The following ZNF653 variants were observed in gnomAD, a reference collection of about 807,000 sequenced individuals.
ZNF653 encodes the protein zinc finger protein 653.
ZNF653 carries 37 observed loss-of-function variants against 59.9 expected under a neutral mutation model. The ratio of observed to expected loss-of-function variants is 0.62; its 90% CI spans 0.48 to 0.81. The LOEUF (loss-of-function observed/expected upper bound fraction) is 0.81. Among genes scored for constraint, ZNF653 ranks in the 40% least tolerant of loss-of-function variants. The probability of loss-of-function intolerance (pLI) is 0.00; values close to 1 mark genes in which losing one functional copy is unlikely to be tolerated. For synonymous variants in ZNF653, 435 were observed against 371.8 expected (o/e 1.17, Z -1.96); for missense variants, 808 against 881.1 (o/e 0.92, Z 1.05).
chr19:11,494,655 T>C lies in ZNF653; in HGVS notation c.559+1295A>G, dbSNP rs572175346. Among the ~76,000 whole-genome samples the C allele has an allele frequency of 1.5e-3, 234 of 152,268 alleles. 2 individuals carry two copies. The highest frequency in any genetic ancestry group is 6.0e-4 in the Non-Finnish European group (41 of 68,018). ...GTGAGCCGAGATCGCGCCATTGCAC[T>C]CCAGCCTGGGCGACAAGAGCGAGAC... On this transcript the variant is annotated intron_variant, in intron 3 of 8. Coordinates refer to ENST00000293771, the MANE Select transcript of ZNF653 (RefSeq NM_138783.4).
At chr19:11,489,445 C>T (rs948096493) in intron 3 of ZNF653, among the ~76,000 whole-genome samples, 2 of 152,136 alleles carry the variant, frequency 1.3e-5, no homozygotes, top group Non-Finnish European at 2.9e-5. Flanking sequence ...GTGATCTGCC[C>T]GCCCGGGCCT....
Position 11,495,156 on chromosome 19 carries a change from G to A in ZNF653, c.559+794C>T, listed in dbSNP as rs1243875097. Among the ~76,000 whole-genome samples the A allele has an allele frequency of 6.6e-6, 1 of 152,172 alleles. No individual in the cohort carries two copies. Among genetic ancestry groups the A allele is most frequent in the African/African-American group, 2.4e-5 (1 of 41,458 alleles). Reference sequence around the variant, plus strand: ...CTCAGCCCTGACAGGACGCCTGGCAGTGTGCCCTACGCTCCTTCTCCAGCC... The same window carrying A: ...CTCAGCCCTGACAGGACGCCTGGCAATGTGCCCTACGCTCCTTCTCCAGCC... On this transcript the variant is annotated intron_variant, in intron 3 of 8. Coordinates refer to ENST00000293771, the MANE Select transcript of ZNF653 (RefSeq NM_138783.4). The surrounding 1 kb of genome is among the most constrained non-coding windows in gnomAD (Gnocchi z 4.9).
rs756288337 is a variant in ZNF653 at position 11,487,085 on chromosome 19, C to A, written c.1245G>T (p.Val415=). The A allele has an allele frequency of 6.2e-7, 1 of 1,613,940 alleles. No individual in the cohort carries two copies. Among genetic ancestry groups the A allele is most frequent in the Admixed American group, 1.7e-5 (1 of 60,008 alleles). The part of the protein sequence containing the change: ...EPVAPELATT[V]PESAEPEAEA... ...CTGCCTCAGGCTCTGCGCTCTCAGG[C>A]ACCGTTGTTGCCAGCTCCGGGGCTA... is the stretch of plus-strand genomic sequence containing the variant. Residue 415 remains valine (V), a synonymous_variant, in exon 5 of 9, where the codon GTG becomes GTT. Transcript: ENST00000293771. The surrounding 1 kb of genome is among the most constrained non-coding windows in gnomAD (Gnocchi z 5.1).
chr19:11,493,929 G>A (rs1383436207), intron 3 of ZNF653, among the ~76,000 whole-genome samples: 1 of 152,072 alleles, frequency 6.6e-6, no homozygotes, highest in East Asian at 1.9e-4. Flanking sequence ...CAGGGTGGGA[G>A]GATCACTTGA....
At chr19:11,497,104 C>T (rs1047630002) in intron 2 of ZNF653, among the ~76,000 whole-genome samples, 24 of 152,226 alleles carry the variant, frequency 1.6e-4, no homozygotes, top group Non-Finnish European at 2.6e-4. Context: ...AATGCATCCC[C>T]TCCAAGAGGC....
At chr19:11,491,307 G>C (rs1266856834) in intron 3 of ZNF653, among the ~76,000 whole-genome samples, 1 of 152,188 alleles carries the variant, frequency 6.6e-6, no homozygotes, top group Non-Finnish European at 1.5e-5. Context: ...CCAAGGTTGA[G>C]TCTCCACTTT....
intron 3 of ZNF653, among the ~76,000 whole-genome samples, chr19:11,488,878 G>T (rs1262484504): frequency 1.3e-5 from 2 of 151,682 alleles, no homozygotes; most frequent in Non-Finnish European, 2.9e-5. Context: ...TTACAGGCAT[G>T]AGCCACCGCA....
intron 3 of ZNF653, among the ~76,000 whole-genome samples, chr19:11,488,658 C>A (rs1323757881): frequency 6.9e-6 from 1 of 145,736 alleles, no homozygotes; most frequent in African/African-American, 2.5e-5. Flanking sequence ...AGTGCAGTGG[C>A]GCAATATTGG....
chr19:11,505,508 G>A lies in ZNF653; in HGVS notation c.279C>T (p.Gly93=). The part of the protein sequence containing the change: ...LAAYLISLER[G]QRSGRHGKPW... ...CTCACCCGTGGCGGCCGCTCCGCTGGCCGCGCTCCAGAGAGATGAGGTAGG... is the reference window on the plus strand; with the variant it reads ...CTCACCCGTGGCGGCCGCTCCGCTGACCGCGCTCCAGAGAGATGAGGTAGG... Residue 93 remains glycine, a synonymous_variant, in exon 1 of 9, where the codon GGC becomes GGT. Transcript: ENST00000293771. 2 of 1,495,130 alleles carry A rather than the reference G, an allele frequency of 1.3e-6. No homozygotes were observed. The highest frequency in any genetic ancestry group is 1.3e-5 in the South Asian group (1 of 79,002). The allele number at this position is 1,495,130 out of a possible 1,614,324, so 92.6% of individuals were successfully genotyped here.
In ZNF653 at chr19:11,483,602, C is replaced by A. The variant is rs755420921; in HGVS notation, c.*80G>T. The A allele has an allele frequency of 3.9e-6, 6 of 1,522,866 alleles. No individual in the cohort carries two copies. Among genetic ancestry groups the A allele is most frequent in the Non-Finnish European group, 5.3e-6 (6 of 1,128,570 alleles). 94.3% of individuals were successfully genotyped at this position (1,522,866 alleles called of 1,614,324 possible). Reference sequence around the variant, plus strand: ...TCCGGCCCGCGGTCCGGGCGGCCCTCGCAGCTGTCCAGGCCCCGGCAAGCC... The same window carrying A: ...TCCGGCCCGCGGTCCGGGCGGCCCTAGCAGCTGTCCAGGCCCCGGCAAGCC... On this transcript the variant is annotated 3_prime_UTR_variant, in exon 9 of 9. Coordinates refer to ENST00000293771, the MANE Select transcript of ZNF653 (RefSeq NM_138783.4).
chr19:11,488,868 T>C (rs1215978493), intron 3 of ZNF653, among the ~76,000 whole-genome samples: 2 of 151,956 alleles, frequency 1.3e-5, no homozygotes, highest in Non-Finnish European at 2.9e-5. Flanking sequence ...AGTGCTGGGA[T>C]TACAGGCATG....
chr19:11,486,450 G>C (rs999376052), intron 6 of ZNF653, among the ~76,000 whole-genome samples: 4 of 152,254 alleles, frequency 2.6e-5, no homozygotes, highest in Admixed American at 6.5e-5. Flanking sequence ...ATCAGCCTCT[G>C]TGGGCCTGGA....
At chr19:11,503,048 TG>T (rs1046235506) in intron 1 of ZNF653, among the ~76,000 whole-genome samples, 11 of 133,834 alleles carry the variant, frequency 8.2e-5, no homozygotes, top group African/African-American at 1.1e-4. Context: ...AAAAAAAAGG[TG>T]GGGGGGGCAT....
intron 1 of ZNF653, among the ~76,000 whole-genome samples, chr19:11,502,558 G>A (rs1367351900): frequency 6.6e-6 from 1 of 152,144 alleles, no homozygotes; most frequent in Non-Finnish European, 1.5e-5. Context: ...ATACAAACCA[G>A]GCTGTGTGTG....
intron 1 of ZNF653, among the ~76,000 whole-genome samples, chr19:11,504,106 A>G (rs1421363937): frequency 3.3e-5 from 5 of 152,044 alleles, no homozygotes; most frequent in African/African-American, 7.2e-5. Context: ...CCCTGTCTCA[A>G]AAAGAAAAAC....
rs1200780722 is a variant in ZNF653, at chr19:11,486,862, C to T, written c.1362G>A (p.Arg454=). Residue 454 remains arginine (R), a synonymous_variant, in exon 6 of 9, where the codon CGG becomes CGA. Coordinates refer to ENST00000293771, the MANE Select transcript of ZNF653 (RefSeq NM_138783.4). The part of the protein sequence containing the change: ...KEPEKRRRSK[R]SRVMDADGLL... The stretch of plus-strand genomic sequence containing the variant: ...GGCCGTCAGCATCCATCACCCGCGA[C>T]CGCTTGCTCCGCCGCCTCCTGGAGG... 1.1e-5 allele frequency: 17 copies of T among 1,611,028 alleles called. No homozygotes were observed. Among genetic ancestry groups the T allele is most frequent in the Non-Finnish European group, 1.4e-5 (17 of 1,178,660 alleles).
At chr19:11,490,408 A>T (rs1479018050) in intron 3 of ZNF653, among the ~76,000 whole-genome samples, 1 of 151,942 alleles carries the variant, frequency 6.6e-6, no homozygotes, top group African/African-American at 2.4e-5. Flanking sequence ...TTTTTTTGAG[A>T]CAGAGCCTTG....
intron 2 of ZNF653, among the ~76,000 whole-genome samples, chr19:11,496,782 G>T (rs548144701): frequency 6.6e-6 from 1 of 152,198 alleles, no homozygotes; most frequent in Non-Finnish European, 1.5e-5. Context: ...TAGGAGGATC[G>T]CTTGAGCCTG....
chr19:11,501,496 C>T (rs1001852641), intron 1 of ZNF653, among the ~76,000 whole-genome samples: 3 of 151,922 alleles, frequency 2.0e-5, no homozygotes, highest in East Asian at 1.9e-4. Flanking sequence ...TTCATTTCCC[C>T]GTTTTGTCAC....
Sources: allele counts gnomAD v4.1 joint callset (sites outside exome capture counted in the v4.1 genomes callset), GRCh38; gene constraint gnomAD v4.1.1; non-coding constraint Gnocchi (gnomAD v3.1); transcripts MANE v1.5; gene names NCBI Gene and HGNC (gene_info 2026-07-23, HGNC 2026-07-21).